The following ZC3H12B variants were observed in gnomAD, a reference collection of about 807,000 sequenced individuals.
ZC3H12B encodes probable ribonuclease ZC3H12B.
Under a neutral mutation model 43.9 loss-of-function variants are expected in ZC3H12B, and 7 were observed. The ratio of observed to expected loss-of-function variants is 0.16; its 90% CI spans 0.09 to 0.30. The LOEUF is 0.30. ZC3H12B is among the 10% of genes least tolerant of loss of function. The probability of loss-of-function intolerance (pLI) is 1.00; values close to 1 mark genes in which losing one functional copy is unlikely to be tolerated. For missense variants in ZC3H12B, 475 were observed against 670.2 expected, an observed-to-expected ratio of 0.71 and a Z score of 3.22; for synonymous variants, 222 against 241.7, an observed-to-expected ratio of 0.92 and a Z score of 0.76.
At chrX:65,365,820 C>T (rs58957821), upstream of ZC3H12B, among the ~76,000 whole-genome samples, 1 of 108,976 alleles carries the variant, frequency 9.2e-6, no homozygotes, top group East Asian at 2.9e-4. Flanking sequence ...GACCCCCACC[C>T]CTGTCCGCCA....
chrX:65,162,375 T>A, the ZC3H12B span, among the ~76,000 whole-genome samples: 192 of 112,248 alleles, frequency 1.7e-3, no homozygotes, highest in Non-Finnish European at 3.1e-3. Flanking sequence ...CCAACTTCGT[T>A]CCGTTCTCCC....
chrX:65,209,677 G>A, the ZC3H12B span, among the ~76,000 whole-genome samples: 94 of 110,143 alleles, frequency 8.5e-4, 2 homozygotes, highest in South Asian at 0.028. Context: ...TGGAGAGTTC[G>A]CTACAGTAAC....
chrX:65,470,803 G>A (rs1370698126), intron 3 of ZC3H12B, among the ~76,000 whole-genome samples: 2 of 111,919 alleles, frequency 1.8e-5, no homozygotes, highest in East Asian at 5.6e-4. Flanking sequence ...TCATTCAGGA[G>A]CAAATTGTTT....
intron 3 of ZC3H12B, among the ~76,000 whole-genome samples, chrX:65,479,285 A>G (rs1450866316): frequency 1.8e-5 from 2 of 111,605 alleles, no homozygotes. Context: ...GCACATTCAA[A>G]TGCCACAAAT....
intron 3 of ZC3H12B, among the ~76,000 whole-genome samples, chrX:65,460,044 A>T (rs940211328): frequency 8.9e-5 from 10 of 112,097 alleles, no homozygotes; most frequent in African/African-American, 2.9e-4. Flanking sequence ...GAAAATCACA[A>T]GCATTTTTAT....
chrX:65,506,172 C>T (rs2068423124), exon 5 of ZC3H12B: 1 of 112,332 alleles, frequency 8.9e-6, no homozygotes, highest in African/African-American at 3.2e-5. Flanking sequence ...TTTATTACCA[C>T]TGCACAGCTA....
At chrX:65,164,403 A>G in the ZC3H12B span, among the ~76,000 whole-genome samples, 10 of 111,499 alleles carry the variant, frequency 9.0e-5, no homozygotes, top group Non-Finnish European at 1.9e-4. Flanking sequence ...CTCAGGTTTT[A>G]TAATAATGAT....
the ZC3H12B span, among the ~76,000 whole-genome samples, chrX:65,130,330 T>C: frequency 2.7e-5 from 3 of 111,351 alleles, no homozygotes; most frequent in Non-Finnish European, 5.6e-5. Context: ...AGGCCAAACC[T>C]AGGAATTACA....
At chrX:65,245,554 T>A in the ZC3H12B span, among the ~76,000 whole-genome samples, 6 of 112,254 alleles carry the variant, frequency 5.3e-5, no homozygotes, top group South Asian at 2.2e-3. Flanking sequence ...AATCAGTAAG[T>A]TTGGTTCATC....
chrX:65,466,713 C>T (rs1439310279), intron 3 of ZC3H12B, among the ~76,000 whole-genome samples: 1 of 105,128 alleles, frequency 9.5e-6, no homozygotes, highest in African/African-American at 3.4e-5. Context: ...CTTTTCTTCA[C>T]TTCCTGCCCA....
intron 3 of ZC3H12B, among the ~76,000 whole-genome samples, chrX:65,408,889 T>A (rs1344457904): frequency 8.9e-6 from 1 of 111,957 alleles, no homozygotes; most frequent in Non-Finnish European, 1.9e-5. Flanking sequence ...CATCTTGACA[T>A]CTTGGCAACT....
intron 2 of ZC3H12B, among the ~76,000 whole-genome samples, chrX:65,398,386 T>C (rs1173875792): frequency 8.9e-6 from 1 of 112,100 alleles, no homozygotes; most frequent in Non-Finnish European, 1.9e-5. Flanking sequence ...AGAACTATAG[T>C]GATATGGTTT....
chrX:65,193,019 G>C, the ZC3H12B span, among the ~76,000 whole-genome samples: 1 of 110,477 alleles, frequency 9.1e-6, no homozygotes, highest in Admixed American at 9.7e-5. Context: ...TGATCCACTC[G>C]CCTCAGCCTC....
the ZC3H12B span, among the ~76,000 whole-genome samples, chrX:65,305,656 TTTG>T: frequency 8.9e-5 from 10 of 112,120 alleles, no homozygotes; most frequent in African/African-American, 3.2e-4. Flanking sequence ...CTATAAGAAA[TTTG>T]TTATGTTATT....
At chrX:65,214,717 T>C in the ZC3H12B span, among the ~76,000 whole-genome samples, 2 of 111,815 alleles carry the variant, frequency 1.8e-5, no homozygotes, top group Non-Finnish European at 3.8e-5. Flanking sequence ...TTTTACCTCT[T>C]CTCATGAATC....
the ZC3H12B span, among the ~76,000 whole-genome samples, chrX:65,157,298 A>G: frequency 8.9e-6 from 1 of 112,180 alleles, no homozygotes; most frequent in African/African-American, 3.2e-5. Flanking sequence ...TCCTTGCTTT[A>G]ATGCCATTGG....
chrX:65,199,162 G>T, the ZC3H12B span, among the ~76,000 whole-genome samples: 1 of 107,143 alleles, frequency 9.3e-6, no homozygotes, highest in Non-Finnish European at 1.9e-5. Context: ...ATACTTAATT[G>T]TTTTTTATTA....
chrX:65,222,011 G>A, the ZC3H12B span, among the ~76,000 whole-genome samples: 1 of 111,429 alleles, frequency 9.0e-6, no homozygotes, highest in Middle Eastern at 4.6e-3. Flanking sequence ...ATGATCAAGT[G>A]GGTTTTATAT....
rs1292063723 is a variant in ZC3H12B at position 65,369,018 on chromosome X, T to C, written n.295+20T>C. On this transcript the variant is annotated intron_variant and non_coding_transcript_variant, in intron 2 of 5. Transcript: ENST00000617377. ...TAAGAGGTGGGTACTTTAGTGGTTGTTGTTGTTGTTGTGTGTGTGTGTTTG... is the reference window on the plus strand; with the variant it reads ...TAAGAGGTGGGTACTTTAGTGGTTGCTGTTGTTGTTGTGTGTGTGTGTTTG... 8.9e-6 allele frequency: 1 copy of C among 111,812 alleles called. No individual in the cohort carries two copies. The highest frequency in any genetic ancestry group is 1.9e-5 in the Non-Finnish European group (1 of 53,124). The allele number at this position is 111,812 out of a possible 1,213,427, so 9.2% of individuals were successfully genotyped here. A position where few individuals can be genotyped will look rare whatever the true frequency, so the allele number is the denominator to read the frequency against.
Sources: allele counts gnomAD v4.1 joint callset (sites outside exome capture counted in the v4.1 genomes callset), GRCh38; gene constraint gnomAD v4.1.1; transcripts MANE v1.5; gene names NCBI Gene and HGNC (gene_info 2026-07-23, HGNC 2026-07-21).